Variants in RPH3AL observed in about 807,000 individuals in gnomAD.
RPH3AL encodes the protein rab effector Noc2.
A neutral mutation model predicts 43.1 loss-of-function variants in RPH3AL; 38 were observed. The ratio of observed to expected loss-of-function variants is 0.88; its 90% confidence interval spans 0.68 to 1.15. The LOEUF (loss-of-function observed/expected upper bound fraction) is 1.15, where lower values mean the gene tolerates loss of function less well. RPH3AL is among the 50% of genes most tolerant of loss of function. The pLI is 0.00. For synonymous variants in RPH3AL, 189 were observed against 176.3 expected, an observed-to-expected ratio of 1.07 and a Z score of -0.57; for missense variants, 462 against 423.2, an observed-to-expected ratio of 1.09 and a Z score of -0.81.
At chr17:324,290 C>T (rs552119843) in intron 3 of RPH3AL, among the ~76,000 whole-genome samples, 3 of 152,324 alleles carry the variant, frequency 2.0e-5, no homozygotes, top group East Asian at 3.9e-4. Flanking sequence ...CCACCTGCTC[C>T]GCCTCCGGGC....
chr17:328,408 G>A lies in RPH3AL; in HGVS notation c.-36-829C>T, dbSNP rs2044668303. Among the ~76,000 whole-genome samples the A allele has an allele frequency of 1.3e-5, 2 of 151,940 alleles. No homozygotes were observed. Among genetic ancestry groups the A allele is most frequent in the Non-Finnish European group, 2.9e-5 (2 of 68,000 alleles). ...TCTCCTGAGCCATCCACACTCTCCT[G>A]GTCTAATCCCAGCTAGGCCAGTGGT... is the stretch of plus-strand genomic sequence containing the variant. On this transcript the variant is annotated intron_variant, in intron 2 of 9. Coordinates refer to ENST00000331302, the MANE Select transcript of RPH3AL (RefSeq NM_006987.4). This position sits in a 1 kb window ranked among gnomAD's most constrained non-coding sequence, Gnocchi z 4.2.
chr17:249,415 C>T (rs2041836513), intron 6 of RPH3AL, among the ~76,000 whole-genome samples: 1 of 152,024 alleles, frequency 6.6e-6, no homozygotes, highest in Non-Finnish European at 1.5e-5. Flanking sequence ...AGGATCAGGC[C>T]CAAGAATGAA....
chr17:276,877 G>T (rs963256063), intron 6 of RPH3AL, among the ~76,000 whole-genome samples: 1 of 152,194 alleles, frequency 6.6e-6, no homozygotes, highest in African/African-American at 2.4e-5. Context: ...GAGTGGGAAA[G>T]ATCAGGATTA....
rs2043019722 is a variant in RPH3AL at position 290,331 on chromosome 17, G to A, written c.352-8477C>T. Among the ~76,000 whole-genome samples the A allele has an allele frequency of 1.3e-5, 2 of 152,202 alleles. No individual in the cohort carries two copies. The highest frequency in any genetic ancestry group is 2.4e-5 in the African/African-American group (1 of 41,442). On this transcript the variant is annotated intron_variant, in intron 5 of 9. Transcript: ENST00000331302. The surrounding 1 kb of genome is among the most constrained non-coding windows in gnomAD (Gnocchi z 4.2). ...CAGGTGGGCCTCAGTCTCAGGGTATGGAGCATAAACCCAGGCTGGCCCGGC... is the reference window on the plus strand; with the variant it reads ...CAGGTGGGCCTCAGTCTCAGGGTATAGAGCATAAACCCAGGCTGGCCCGGC...
In RPH3AL at chr17:246,698, G is replaced by T. The variant is rs990477309; in HGVS notation, c.613+413C>A. Among the ~76,000 whole-genome samples the T allele has an allele frequency of 2.0e-5, 3 of 152,166 alleles. No individual in the cohort carries two copies. The highest frequency in any genetic ancestry group is 7.2e-5 in the African/African-American group (3 of 41,428). ...TACTTATTAGGACCAGGGAAGCCAG[G>T]AGTCCTCCCTTACCGAGACACAAGG... On this transcript the variant is annotated intron_variant, in intron 7 of 9. Coordinates refer to ENST00000331302, the MANE Select transcript of RPH3AL (RefSeq NM_006987.4). This position sits in a 1 kb window ranked among gnomAD's most constrained non-coding sequence, Gnocchi z 4.8.
At chr17:262,546 C>T (rs1323331481) in intron 6 of RPH3AL, among the ~76,000 whole-genome samples, 1 of 152,076 alleles carries the variant, frequency 6.6e-6, no homozygotes, top group Non-Finnish European at 1.5e-5. Flanking sequence ...AAATCCCAGC[C>T]AGGTGCAGCG....
At chr17:300,804 G>A (rs904101748) in intron 5 of RPH3AL, among the ~76,000 whole-genome samples, 9 of 139,014 alleles carry the variant, frequency 6.5e-5, no homozygotes, top group South Asian at 2.2e-4. Flanking sequence ...GCCTAGGCCC[G>A]CAGAATCTCT....
At chr17:316,512 A>C (rs1231886502) in intron 5 of RPH3AL, among the ~76,000 whole-genome samples, 3 of 133,552 alleles carry the variant, frequency 2.2e-5, no homozygotes, top group African/African-American at 5.9e-5. Context: ...TCTGTGCTCC[A>C]CCTCCAGTGA....
chr17:340,138 C>T (rs1033726842), intron 1 of RPH3AL, among the ~76,000 whole-genome samples: 3 of 152,004 alleles, frequency 2.0e-5, no homozygotes, highest in Non-Finnish European at 4.4e-5. Flanking sequence ...TAAGGGGTCC[C>T]CCTGGCTCCA....
rs565765278 is a variant in RPH3AL, at chr17:280,739, C to T, written c.438+1029G>A. On this transcript the variant is annotated intron_variant, in intron 6 of 9. Transcript: ENST00000331302. ...ACTGAAGAATTCACCCAGAAAGGAC[C>T]ACAGAAAGATAAAGAAATAAACAAG... Among the ~76,000 whole-genome samples, 3 of 152,182 alleles carry T rather than the reference C, an allele frequency of 2.0e-5. 1 individual carries two copies. The highest frequency in any genetic ancestry group is 4.1e-4 in the South Asian group (2 of 4,820).
At chr17:299,621 C>A (rs1252732770) in intron 5 of RPH3AL, among the ~76,000 whole-genome samples, 1 of 152,228 alleles carries the variant, frequency 6.6e-6, no homozygotes, top group Admixed American at 6.5e-5. Flanking sequence ...AATGTCCCAG[C>A]GGGAAGCACA....
At chr17:315,597 C>CATTGACCTGTAGTCCCTGTGCTCT (rs2044002443) in intron 5 of RPH3AL, among the ~76,000 whole-genome samples, 3 of 150,018 alleles carry the variant, frequency 2.0e-5, no homozygotes, top group Admixed American at 6.6e-5. Context: ...CCCTGTGCTC[C>CATTGACCTGTAGTCCCTGTGCTCT]ACCTCCACTG....
At position 213,588 on chromosome 17, in the gene RPH3AL, A is replaced by G; in HGVS notation, c.*264T>C. The G allele has an allele frequency of 1.8e-6, 1 of 565,282 alleles. No homozygotes were observed. Among genetic ancestry groups the G allele is most frequent in the Non-Finnish European group, 3.2e-6 (1 of 315,494 alleles). 35.0% of individuals were successfully genotyped at this position (565,282 alleles called of 1,614,324 possible). A position where few individuals can be genotyped will look rare whatever the true frequency, so the allele number is the denominator to read the frequency against. On this transcript the variant is annotated 3_prime_UTR_variant, in exon 10 of 10. Coordinates refer to ENST00000331302, the MANE Select transcript of RPH3AL (RefSeq NM_006987.4). ...CAAACTTAAAATCATCACCAGGTAG[A>G]TTGGGGGTGTGGGAGGGGAGGGTAA... is the stretch of plus-strand genomic sequence containing the variant.
At chr17:232,816 C>T (rs1029414895) in intron 7 of RPH3AL, among the ~76,000 whole-genome samples, 31 of 148,546 alleles carry the variant, frequency 2.1e-4, no homozygotes, top group African/African-American at 7.5e-4. Context: ...TGTCTCTAAA[C>T]AGTCCTTTCC....
rs1455869534 is a variant in RPH3AL, at chr17:247,274, C to T, written c.450G>A (p.Arg150=). The T allele has an allele frequency of 1.3e-6, 2 of 1,587,400 alleles. No homozygotes were observed. The highest frequency in any genetic ancestry group is 1.7e-6 in the Non-Finnish European group (2 of 1,165,844). The part of the protein sequence containing the change: ...ICSEQREVWK[R]SGAWFYKGLP... Reference sequence around the variant, plus strand: ...GCCCTTTGTAGAACCAGGCCCCCGACCTCTTCCAGACCTGAGTGGGGGAAG... The same window carrying T: ...GCCCTTTGTAGAACCAGGCCCCCGATCTCTTCCAGACCTGAGTGGGGGAAG... Residue 150 remains arginine, a synonymous_variant, in exon 7 of 10, where the codon AGG becomes AGA. Transcript: ENST00000331302.
At chr17:268,447 G>A (rs2042371551) in intron 6 of RPH3AL, among the ~76,000 whole-genome samples, 1 of 150,794 alleles carries the variant, frequency 6.6e-6, no homozygotes. Flanking sequence ...TACAAAATAT[G>A]TGTTAACTGA....
intron 1 of RPH3AL, among the ~76,000 whole-genome samples, chr17:350,535 G>C (rs181045467): frequency 9.9e-5 from 15 of 151,944 alleles, no homozygotes; most frequent in Non-Finnish European, 2.1e-4. Flanking sequence ...CGCTTGAACC[G>C]AGGAGGCGGA....
In RPH3AL at chr17:269,080, G is replaced by A. The variant is rs182630179; in HGVS notation, c.438+12688C>T. Reference sequence around the variant, plus strand: ...TTTTTAGTAGAGACGGGGTTTCACCGTGTTAGCCAGGATGGTCTCGATCTC... The same window carrying A: ...TTTTTAGTAGAGACGGGGTTTCACCATGTTAGCCAGGATGGTCTCGATCTC... On this transcript the variant is annotated intron_variant, in intron 6 of 9. Coordinates refer to ENST00000331302, the MANE Select transcript of RPH3AL (RefSeq NM_006987.4). Among the ~76,000 whole-genome samples the A allele has an allele frequency of 2.3e-3, 346 of 152,172 alleles. 8 individuals are homozygous for A. In the East Asian group the frequency reaches 0.043, roughly 19 times the overall value.
At chr17:227,280 T>C (rs1228988175) in intron 7 of RPH3AL, among the ~76,000 whole-genome samples, 2 of 152,140 alleles carry the variant, frequency 1.3e-5, no homozygotes, top group African/African-American at 4.8e-5. Context: ...CTTGGCTGGG[T>C]TTGCAATTTG....
Sources: allele counts gnomAD v4.1 joint callset (sites outside exome capture counted in the v4.1 genomes callset), GRCh38; gene constraint gnomAD v4.1.1; non-coding constraint Gnocchi (gnomAD v3.1); transcripts MANE v1.5; gene names NCBI Gene and HGNC (gene_info 2026-07-23, HGNC 2026-07-21).